ACO2: variants seen among roughly 807,000 people sequenced by gnomAD.
The protein encoded by ACO2 is aconitate hydratase, mitochondrial.
ACO2 carries 31 observed loss-of-function variants against 84.5 expected under a neutral mutation model. That is an observed-to-expected ratio of 0.37 (90% CI 0.28 to 0.50). The LOEUF (loss-of-function observed/expected upper bound fraction) is 0.50, where lower values mean the gene tolerates loss of function less well. ACO2 is among the 20% of genes least tolerant of loss of function. ACO2 has a pLI of 0.97. For synonymous variants in ACO2, 414 were observed against 412.7 expected (o/e 1.00, Z -0.04); for missense variants, 685 against 1,029.3 (o/e 0.67, Z 4.58).
chr22:41,526,359 G>A lies in ACO2; in HGVS notation c.1859G>A (p.Gly620Asp). 6.2e-7 allele frequency: 1 copy of A among 1,613,664 alleles called. No individual in the cohort carries two copies. The highest frequency in any genetic ancestry group is 8.5e-7 in the Non-Finnish European group (1 of 1,180,040). ...LDNISNNLLI[G>D]AINIENGKAN... ...AACATCTCCAACAACCTGCTCATTG[G>A]TGCCATCAACATTGAAAACGGCAAG... Residue 620 changes from glycine (G) to aspartate (D), a missense_variant, in exon 15 of 18, where the codon GGT (glycine) becomes GAT (aspartate). Gly to Asp is a moderately conservative substitution (Grantham distance 94, BLOSUM62 -1). Around this residue, in one of 5 missense-constraint regions of ACO2, gnomAD observed 174 missense variants for 236.6 expected, o/e 0.74. Coordinates refer to ENST00000216254, the MANE Select transcript of ACO2 (RefSeq NM_001098.3).
intron 1 of ACO2, among the ~76,000 whole-genome samples, chr22:41,477,788 C>T (rs1213434054): frequency 2.0e-5 from 3 of 151,968 alleles, no homozygotes; most frequent in South Asian, 2.1e-4. Context: ...CAGTTGTGGC[C>T]GGGCACAGTG....
intron 15 of ACO2, 46 bp from the exon 16 acceptor site, chr22:41,527,242 C>A (rs768954352): frequency 1.9e-6 from 3 of 1,613,626 alleles, no homozygotes; most frequent in South Asian, 1.1e-5. Flanking sequence ...CAGGTGAGGA[C>A]GGTGCCCTCC....
rs575046900 is a variant in ACO2, at chr22:41,525,397, C to A, written c.1761+49C>A. ...ACAGCCCCACCCTGCCAGGGCCCCC[C>A]GTCCCCTGAGCATCGGGAAGGGCCA... On this transcript the variant is annotated intron_variant, in intron 14 of 17. Transcript: ENST00000216254. 8 of 1,603,626 alleles carry A rather than the reference C, an allele frequency of 5.0e-6. No individual in the cohort carries two copies. The African/African-American group carries it at 6.7e-5, about 13-fold the overall frequency.
At chr22:41,519,656 A>C (rs757472619) in intron 8 of ACO2, among the ~76,000 whole-genome samples, 11 of 152,056 alleles carry the variant, frequency 7.2e-5, no homozygotes, top group Non-Finnish European at 1.6e-4. Context: ...AAATACAAAA[A>C]AATTAGCCAG....
intron 1 of ACO2, among the ~76,000 whole-genome samples, chr22:41,485,928 C>T (rs960884479): frequency 2.0e-5 from 3 of 152,090 alleles, no homozygotes; most frequent in Admixed American, 6.6e-5. Context: ...GAGTGATTGG[C>T]AGCTTCTGCA....
At chr22:41,505,208 C>T (rs2066384227) in intron 2 of ACO2, among the ~76,000 whole-genome samples, 1 of 151,924 alleles carries the variant, frequency 6.6e-6, no homozygotes, top group Non-Finnish European at 1.5e-5. Flanking sequence ...GAGTTCAAGA[C>T]CAGCCTGGTC....
At chr22:41,509,820 T>TTG (rs2066421228) in intron 3 of ACO2, among the ~76,000 whole-genome samples, 1 of 145,956 alleles carries the variant, frequency 6.9e-6, no homozygotes, top group South Asian at 2.2e-4. Context: ...ATGGTCTTTT[T>TTG]TTTTTTTTTT....
intron 1 of ACO2, among the ~76,000 whole-genome samples, chr22:41,498,178 A>C (rs1178684032): frequency 6.6e-6 from 1 of 151,144 alleles, no homozygotes; most frequent in African/African-American, 2.4e-5. Flanking sequence ...TGGGTGTAGT[A>C]GTGTGCGCCT....
intron 2 of ACO2, among the ~76,000 whole-genome samples, chr22:41,503,995 C>T (rs1384006238): frequency 6.6e-6 from 1 of 152,222 alleles, no homozygotes; most frequent in Non-Finnish European, 1.5e-5. Context: ...AGGCGGATCA[C>T]TTAAGGCCAG....
rs1445863610 is a variant in ACO2 at position 41,516,151 on chromosome 22, CCTAA to C, written c.835+237_835+240del. 6 of 647,828 alleles carry C rather than the reference CCTAA, an allele frequency of 9.3e-6. No homozygotes were observed. The East Asian group carries it at 1.4e-4, about 15-fold the overall frequency. The allele number at this position is 647,828 out of a possible 1,614,324, so 40.1% of individuals were successfully genotyped here. A position where few individuals can be genotyped will look rare whatever the true frequency, so the allele number is the denominator to read the frequency against. ...TACCTGTCGAGGCTGCCGGTGACTT[CCTAA>C]CTGTGTGGCCACACACGGTTAGGAG... On this transcript the variant is annotated intron_variant, in intron 6 of 17. Transcript: ENST00000216254.
intron 16 of ACO2, chr22:41,527,678 T>A: frequency 1.3e-6 from 1 of 797,294 alleles, no homozygotes; most frequent in Non-Finnish European, 1.9e-6. Context: ...TTCTTTCTGA[T>A]CATGAATGTG....
chr22:41,524,803 T>G (rs754557359), intron 12 of ACO2, 43 bp from the exon 13 acceptor site: 2 of 1,613,460 alleles, frequency 1.2e-6, no homozygotes, highest in Admixed American at 3.3e-5. Flanking sequence ...GAGACAGGAG[T>G]GGCAATTGGT....
At chr22:41,525,965 C>T (rs902173986) in intron 14 of ACO2, 3 of 323,282 alleles carry the variant, frequency 9.3e-6, no homozygotes, top group South Asian at 7.0e-5. Context: ...GCTGATCTTG[C>T]AGCTGAGGCC....
At chr22:41,475,472 TC>T (rs2038001985) in intron 1 of ACO2, among the ~76,000 whole-genome samples, 1 of 152,108 alleles carries the variant, frequency 6.6e-6, no homozygotes, top group African/African-American at 2.4e-5. Context: ...TGTTGAGTCT[TC>T]CTTGGCTCCA....
chr22:41,523,980 C>T (rs1234729113), intron 12 of ACO2, 39 bp downstream of exon 12: 4 of 1,577,542 alleles, frequency 2.5e-6, no homozygotes, highest in Non-Finnish European at 3.5e-6. Context: ...GGGATGGCCT[C>T]TGGGGGTCCC....
At chr22:41,519,171 T>C (rs2066500379) in intron 8 of ACO2, among the ~76,000 whole-genome samples, 1 of 152,174 alleles carries the variant, frequency 6.6e-6, no homozygotes, top group Non-Finnish European at 1.5e-5. Flanking sequence ...TTTTGTTATC[T>C]GAGTTCAGAG....
At chr22:41,482,665 C>G (rs145888722) in intron 1 of ACO2, among the ~76,000 whole-genome samples, 2 of 152,288 alleles carry the variant, frequency 1.3e-5, no homozygotes, top group African/African-American at 4.8e-5. Flanking sequence ...ACTGACTAGC[C>G]TCATTTGATC....
At chr22:41,517,097 A>T (rs533537182) in intron 6 of ACO2, among the ~76,000 whole-genome samples, 4 of 152,218 alleles carry the variant, frequency 2.6e-5, no homozygotes, top group African/African-American at 7.2e-5. Context: ...ATCTACCTTT[A>T]TGTGCTTTAT....
chr22:41,528,485 A>C lies in ACO2; in HGVS notation c.2215A>C (p.Lys739Gln), dbSNP rs1439458290. The change falls in exon 18 of 18, where the codon AAG (lysine) becomes CAG (glutamine). Residue 739 changes from lysine (K) to glutamine (Q), a missense_variant. Physicochemically the swap from Lys to Gln is moderately conservative, Grantham distance 53 (BLOSUM62 1). Around this residue, in one of 5 missense-constraint regions of ACO2, gnomAD observed 174 missense variants for 236.6 expected, o/e 0.74. Transcript: ENST00000216254. ...ACCCACCTTCTCCTTGCAGCCCCTGAAGTGCATCATCAAGCACCCCAACGG... is the reference window on the plus strand; with the variant it reads ...ACCCACCTTCTCCTTGCAGCCCCTGCAGTGCATCATCAAGCACCCCAACGG... ...LKDFTPGKPL[K>Q]CIIKHPNGTQ... 2.5e-6 allele frequency: 4 copies of C among 1,612,200 alleles called. No individual in the cohort carries two copies. The highest frequency in any genetic ancestry group is 1.7e-5 in the Admixed American group (1 of 60,018).
Sources: allele counts gnomAD v4.1 joint callset (sites outside exome capture counted in the v4.1 genomes callset), GRCh38; gene constraint gnomAD v4.1.1; regional missense constraint gnomAD v4.1.1; transcripts MANE v1.5; gene names NCBI Gene and HGNC (gene_info 2026-07-23, HGNC 2026-07-21).